Variants in KLHL22 observed in about 807,000 individuals in gnomAD.
The protein encoded by KLHL22 is kelch like family member 22, also known as kelch-like protein 22.
In KLHL22, 18 loss-of-function variants were observed where a neutral mutation model predicts 60.7. That is an observed-to-expected ratio of 0.30 (90% confidence interval 0.20 to 0.44). The LOEUF (loss-of-function observed/expected upper bound fraction) is 0.44, where lower values mean the gene tolerates loss of function less well. KLHL22 is among the 20% of genes least tolerant of loss of function. The probability of loss-of-function intolerance (pLI) is 1.00; values close to 1 mark genes in which losing one functional copy is unlikely to be tolerated. For missense variants in KLHL22, 596 were observed against 852.3 expected, an observed-to-expected ratio of 0.70 and a Z score of 3.74; for synonymous variants, 355 against 354.5, an observed-to-expected ratio of 1.00 and a Z score of -0.01.
chr22:20,473,614 G>A (rs377561294), intron 2 of KLHL22, among the ~76,000 whole-genome samples: 8 of 152,308 alleles, frequency 5.3e-5, no homozygotes, highest in South Asian at 2.1e-4. Context: ...AGTGGCTCAC[G>A]CCTGTAATCC....
intron 1 of KLHL22, chr22:20,492,189 T>A (rs913836921): frequency 6.6e-6 from 1 of 152,174 alleles, no homozygotes; most frequent in Admixed American, 6.6e-5. Context: ...AAGCTACCAT[T>A]TCCATCTTGG....
intron 6 of KLHL22, among the ~76,000 whole-genome samples, chr22:20,445,540 G>A (rs62219033): frequency 0.16 from 24,413 of 152,122 alleles, 2,650 homozygotes; most frequent in Non-Finnish European, 0.24. Flanking sequence ...CGGCAATGTG[G>A]TTATATTAAC....
chr22:20,479,984 T>C (rs1289973478), intron 2 of KLHL22, among the ~76,000 whole-genome samples: 1 of 152,102 alleles, frequency 6.6e-6, no homozygotes, highest in East Asian at 1.9e-4. Flanking sequence ...ACAAACAAAA[T>C]GTGGTATATC....
chr22:20,450,974 C>T, intron 5 of KLHL22: 3 of 1,593,168 alleles, frequency 1.9e-6, no homozygotes, highest in Non-Finnish European at 2.6e-6. Context: ...CTTTTGGTGG[C>T]TGGGGGCTTC....
rs1391152621 is a variant in KLHL22 at position 20,464,878 on chromosome 22, T to G, written c.1092A>C (p.Arg364=). Residue 364 remains arginine, a synonymous_variant, in exon 4 of 7, where the codon CGA becomes CGC. Transcript: ENST00000328879. ...IGGDNNVQGF[R]AESRCWRYDP... ...CCTACCTCCAGCATCGGGACTCTGCTCGAAATCCTTGGACATTGTTGTCCC... is the reference window on the plus strand; with the variant it reads ...CCTACCTCCAGCATCGGGACTCTGCGCGAAATCCTTGGACATTGTTGTCCC... 1.3e-6 allele frequency: 2 copies of G among 1,540,650 alleles called. No individual in the cohort carries two copies. The highest frequency in any genetic ancestry group is 2.0e-5 in the Admixed American group (1 of 50,336).
At chr22:20,484,797 C>T (rs1351920306) in intron 2 of KLHL22, among the ~76,000 whole-genome samples, 1 of 150,420 alleles carries the variant, frequency 6.6e-6, no homozygotes, top group East Asian at 1.9e-4. Context: ...AGTGCAGTGG[C>T]ATGATCATGG....
intron 2 of KLHL22, among the ~76,000 whole-genome samples, chr22:20,476,393 G>A (rs535572904): frequency 6.8e-6 from 1 of 146,102 alleles, no homozygotes; most frequent in African/African-American, 2.5e-5. Flanking sequence ...GTGGGTGCTT[G>A]GATTGACACA....
At chr22:20,473,934 AC>A (rs78498710) in intron 2 of KLHL22, among the ~76,000 whole-genome samples, 54,015 of 152,118 alleles carry the variant, frequency 0.36, 9,743 homozygotes, top group East Asian at 0.46. Flanking sequence ...CTGCTCCCAG[AC>A]CATCAGTCAG....
intron 1 of KLHL22, among the ~76,000 whole-genome samples, chr22:20,490,777 T>C (rs1191431846): frequency 6.6e-6 from 1 of 152,208 alleles, no homozygotes; most frequent in Non-Finnish European, 1.5e-5. Context: ...GAGAATCTGA[T>C]GCCACCTCTG....
chr22:20,470,707 GATGGATGC>G (rs2053304084), intron 3 of KLHL22, among the ~76,000 whole-genome samples: 11 of 150,344 alleles, frequency 7.3e-5, no homozygotes, highest in African/African-American at 2.7e-4. Context: ...TGGATGGATG[GATGGATGC>G]ATGCATGGAT....
At position 20,489,124 on chromosome 22, in the gene KLHL22, C is replaced by T. The variant is rs775806222; in HGVS notation, c.88G>A (p.Ala30Thr). 1.2e-5 allele frequency: 20 copies of T among 1,614,006 alleles called. No homozygotes were observed. The African/African-American group carries it at 1.3e-4, about 11-fold the overall frequency. Residue 30 changes from alanine (A) to threonine (T), a missense_variant, in exon 2 of 7, where the codon GCA becomes ACA. Transcript: ENST00000328879. ...CGGAGCAGAGCCTGGGAGTGCTGTG[C>T]GCTGCGGTAGGTGTTGTTCACGCAG... The part of the protein sequence containing the change: ...PHCVNNTYRS[A>T]QHSQALLRGL...
intron 2 of KLHL22, chr22:20,483,872 C>CAGGA (rs1470905408): frequency 4.4e-5 from 31 of 710,548 alleles, no homozygotes; most frequent in Non-Finnish European, 6.4e-5. Flanking sequence ...CCTTCTCATT[C>CAGGA]TGGATGCTTC....
At chr22:20,464,259 C>A (rs893641101) in intron 4 of KLHL22, among the ~76,000 whole-genome samples, 1 of 152,174 alleles carries the variant, frequency 6.6e-6, no homozygotes, top group East Asian at 1.9e-4. Flanking sequence ...GTGCCAAGTG[C>A]GTGGCAGACT....
At chr22:20,476,405 A>ATTTTTTTT (rs57189584) in intron 2 of KLHL22, among the ~76,000 whole-genome samples, 1 of 69,352 alleles carries the variant, frequency 1.4e-5, no homozygotes, top group Non-Finnish European at 2.5e-5. Flanking sequence ...ATTGACACAG[A>ATTTTTTTT]TTTTTTTTTT....
Position 20,465,173 on chromosome 22 carries a change from A to C in KLHL22, c.797T>G (p.Leu266Trp). The C allele has an allele frequency of 6.2e-7, 1 of 1,613,882 alleles. No homozygotes were observed. Among genetic ancestry groups the C allele is most frequent in the South Asian group, 1.1e-5 (1 of 91,070 alleles). ...GAGGGCGCTGGCCACTGTGTCCCTC[A>C]AAGGGCTGGGGTCCAGCTTGTCATG... ...RLHDKLDPSP[L>W]RDTVASALMY... Residue 266 changes from leucine (L) to tryptophan (W), a missense_variant, in exon 4 of 7, where the codon TTG (leucine) becomes TGG (tryptophan). Leu to Trp is a moderately conservative substitution (Grantham distance 61). Transcript: ENST00000328879. This position sits in a 1 kb window ranked among gnomAD's most constrained non-coding sequence, Gnocchi z 4.9.
chr22:20,442,373 AC>A lies in KLHL22; in HGVS notation c.1604del (p.Gly535ValfsTer15). On this transcript the variant is annotated frameshift_variant, in exon 7 of 7. Transcript: ENST00000328879. LOFTEE classifies it high-confidence loss of function. Reference protein sequence around the residue: ...SSVCPLPAGHGEPGIAVLDNR... With the variant: ...SSVCPLPAGHXEPGIAVLDNR... The stretch of plus-strand genomic sequence containing the variant: ...TGTCCAGCACAGCAATGCCAGGCTC[AC>A]CGTGCCCAGCAGGGAGTGGGCAGAC... 6.2e-7 allele frequency: 1 copy of A among 1,613,556 alleles called. No individual in the cohort carries two copies. Among genetic ancestry groups the A allele is most frequent in the Non-Finnish European group, 8.5e-7 (1 of 1,179,818 alleles).
At chr22:20,451,684 T>C in intron 5 of KLHL22, 2 of 1,602,716 alleles carry the variant, frequency 1.2e-6, no homozygotes, top group South Asian at 2.2e-5. Flanking sequence ...GGGGAGACTC[T>C]ATGCAATTGC....
intron 2 of KLHL22, among the ~76,000 whole-genome samples, chr22:20,480,611 T>C (rs929175252): frequency 6.6e-6 from 1 of 152,114 alleles, no homozygotes; most frequent in Admixed American, 6.6e-5. Flanking sequence ...ATCAAGTGTA[T>C]TTTAGAATTC....
At chr22:20,470,392 G>A (rs987153530) in intron 3 of KLHL22, among the ~76,000 whole-genome samples, 1 of 150,496 alleles carries the variant, frequency 6.6e-6, no homozygotes, top group African/African-American at 2.4e-5. Flanking sequence ...GCTCACACCT[G>A]TAATCGCAAC....
Sources: gnomAD v4.1 joint callset for allele counts (sites outside exome capture counted in the v4.1 genomes callset) on GRCh38, gnomAD v4.1.1 for gene constraint, Gnocchi (gnomAD v3.1) non-coding constraint, MANE v1.5 for transcripts, NCBI Gene and HGNC (gene_info 2026-07-23, HGNC 2026-07-21) for gene names.